PPFIA4: variants seen among roughly 807,000 people sequenced by gnomAD.
PPFIA4 encodes liprin-alpha-4.
PPFIA4 carries 98 observed loss-of-function variants against 145.7 expected under a neutral mutation model. The observed-to-expected ratio is 0.67, with a 90% CI of 0.57 to 0.80. PPFIA4 has a LOEUF of 0.80. Ranked by LOEUF, PPFIA4 falls within the 30% of genes least tolerant of loss-of-function variation. The pLI, the probability that PPFIA4 is intolerant of heterozygous loss-of-function variation, is 0.00. For missense variants in PPFIA4, 1,457 were observed against 1,632.7 expected (o/e 0.89, Z 1.85); for synonymous variants, 628 against 649.6 (o/e 0.97, Z 0.51).
Position 203,077,790 on chromosome 1 carries a change from G to A in PPFIA4, c.*1400G>A, listed in dbSNP as rs1442407067. 6.6e-6 allele frequency: 1 copy of A among 152,264 alleles called. No homozygotes were observed. Among genetic ancestry groups the A allele is most frequent in the Non-Finnish European group, 1.5e-5 (1 of 68,056 alleles). The allele number at this position is 152,264 out of a possible 1,614,324, so 9.4% of individuals were successfully genotyped here. A position where few individuals can be genotyped will look rare whatever the true frequency, so the allele number is the denominator to read the frequency against. On this transcript the variant is annotated 3_prime_UTR_variant, in exon 30 of 30. Coordinates refer to ENST00000295706, the MANE Select transcript of PPFIA4 (RefSeq NM_001304331.2). ...ACCTACTCCCTCATCCTACCAAGGTGCCTGAAAATGTTCAAGACTTATGTT... is the reference window on the plus strand; with the variant it reads ...ACCTACTCCCTCATCCTACCAAGGTACCTGAAAATGTTCAAGACTTATGTT...
At chr1:203,067,995 C>T (rs1226532210) in intron 26 of PPFIA4, among the ~76,000 whole-genome samples, 5 of 152,162 alleles carry the variant, frequency 3.3e-5, no homozygotes, top group African/African-American at 1.2e-4. Context: ...TCCCTCAACC[C>T]CACATACCAG....
chr1:203,073,817 G>C (rs1662335378), intron 28 of PPFIA4, among the ~76,000 whole-genome samples: 1 of 152,096 alleles, frequency 6.6e-6, no homozygotes, highest in Admixed American at 6.5e-5. Flanking sequence ...GGGAAGGCGG[G>C]AGAGAGAAAA....
intron 28 of PPFIA4, among the ~76,000 whole-genome samples, chr1:203,073,886 T>C (rs1571747377): frequency 6.6e-6 from 1 of 152,016 alleles, no homozygotes; most frequent in East Asian, 1.9e-4. Context: ...ACAAGGGAAG[T>C]TCCTAACAAA....
chr1:203,065,113 A>G (rs1042348832), intron 25 of PPFIA4, among the ~76,000 whole-genome samples: 9 of 152,182 alleles, frequency 5.9e-5, no homozygotes, highest in Non-Finnish European at 1.0e-4. Context: ...CATTTTATGG[A>G]TGAGAACATT....
intron 5 of PPFIA4, 37 bp downstream of exon 5, chr1:203,044,490 GA>G (rs1659925368): frequency 1.3e-6 from 2 of 1,540,228 alleles, no homozygotes; most frequent in Admixed American, 2.0e-5. Flanking sequence ...GCAGCTCCTG[GA>G]AGTCCAGGCT....
At position 203,059,269 on chromosome 1, in the gene PPFIA4, GAAGT is replaced by G; in HGVS notation, c.2501+2_2501+5del. On this transcript the variant is annotated splice_donor_variant and coding_sequence_variant, in exon 20 of 30. Transcript: ENST00000295706. LOFTEE classifies it high-confidence loss of function. ...CAGAGAAGGACCGGCGGCTAAAGAA[GAAGT>G]AAGAGCCACAGGCCAGGGTCTGCCA... 1.3e-6 allele frequency: 2 copies of G among 1,516,158 alleles called. No homozygotes were observed. The highest frequency in any genetic ancestry group is 2.4e-5 in the East Asian group (1 of 41,446). The allele number at this position is 1,516,158 out of a possible 1,614,324, so 93.9% of individuals were successfully genotyped here.
chr1:203,032,883 A>G (rs568000631), intron 1 of PPFIA4, among the ~76,000 whole-genome samples: 8 of 152,124 alleles, frequency 5.3e-5, no homozygotes, highest in African/African-American at 1.9e-4. Context: ...AACCAAGAGG[A>G]TCATGGTTTA....
intron 25 of PPFIA4, 75 bp downstream of exon 25, chr1:203,064,078 C>G: frequency 1.3e-6 from 2 of 1,490,224 alleles, no homozygotes; most frequent in Non-Finnish European, 1.8e-6. Flanking sequence ...CCTCCAGGAA[C>G]AGAGGTGCCT....
rs779085236 is a variant in PPFIA4 at position 203,048,651 on chromosome 1, C to T, written c.1293C>T (p.Leu431=). The change falls in exon 11 of 30, where the codon CTC becomes CTT. Residue 431 remains leucine (L), a synonymous_variant. Transcript: ENST00000295706. The surrounding 1 kb of genome is among the most constrained non-coding windows in gnomAD (Gnocchi z 5.8). ...KRLSDTVDRL[L]SESNERLQLH... ...TGTCGGACACAGTGGACCGGCTGCT[C>T]AGCGAGTCCAACGAGCGTCTGCAGC... The T allele has an allele frequency of 9.3e-6, 15 of 1,606,732 alleles. No homozygotes were observed. The highest frequency in any genetic ancestry group is 1.1e-5 in the Non-Finnish European group (13 of 1,177,594).
In PPFIA4 at chr1:203,044,394, C is replaced by T. The variant is rs555935118; in HGVS notation, c.517C>T (p.Arg173Trp). The change falls in exon 5 of 30, where the codon CGG becomes TGG. Residue 173 changes from arginine to tryptophan, a missense_variant. Physicochemically the swap from Arg to Trp is moderately radical, Grantham distance 101 (BLOSUM62 -3). This residue lies in a region of PPFIA4 where 463 missense variants were observed against 459.8 expected (regional missense o/e 1.01). Coordinates refer to ENST00000295706, the MANE Select transcript of PPFIA4 (RefSeq NM_001304331.2). ...CCTCGAGCAGGTGCGAGAGCGGCTC[C>T]GGGCAGCGCTGGAGCGAGTCACCAC... is the stretch of plus-strand genomic sequence containing the variant. ...ALDEKVRERLRAALERVTTLE... is the reference protein window; with the variant it reads ...ALDEKVRERLWAALERVTTLE... The T allele has an allele frequency of 9.8e-5, 152 of 1,552,196 alleles. No homozygotes were observed. The highest frequency in any genetic ancestry group is 1.2e-4 in the Non-Finnish European group (143 of 1,147,934).
chr1:203,077,630 C>T lies in PPFIA4; in HGVS notation c.*1240C>T, dbSNP rs1352280407. On this transcript the variant is annotated 3_prime_UTR_variant, in exon 30 of 30. Coordinates refer to ENST00000295706, the MANE Select transcript of PPFIA4 (RefSeq NM_001304331.2). ...CTATTTTGGTGGGCAGGGACTGCCT[C>T]CTCCCGGAATTCCTAAGATCCGCCC... The T allele has an allele frequency of 6.6e-6, 1 of 152,160 alleles. No homozygotes were observed. The highest frequency in any genetic ancestry group is 2.4e-5 in the African/African-American group (1 of 41,436). The allele number at this position is 152,160 out of a possible 1,614,324, so 9.4% of individuals were successfully genotyped here. A position where few individuals can be genotyped will look rare whatever the true frequency, so the allele number is the denominator to read the frequency against.
chr1:203,054,056 A>G (rs1258743349), intron 15 of PPFIA4, 95 bp downstream of exon 15: 6 of 1,345,898 alleles, frequency 4.5e-6, no homozygotes, highest in Non-Finnish European at 6.2e-6. Flanking sequence ...CAACTCTTAT[A>G]GCTGCAACTT....
chr1:203,073,275 C>A (rs1054797168), intron 28 of PPFIA4, among the ~76,000 whole-genome samples: 1 of 152,164 alleles, frequency 6.6e-6, no homozygotes, highest in Non-Finnish European at 1.5e-5. Context: ...GAAGCAGATG[C>A]GAGTCTGATT....
chr1:203,067,764 G>A lies in PPFIA4; in HGVS notation c.3120G>A (p.Arg1040=), dbSNP rs1269823057. 1 of 1,613,788 alleles carries A rather than the reference G, an allele frequency of 6.2e-7. No individual in the cohort carries two copies. ...LNYDRKELEK[R]REESQHEIKD... ...ATGACCGGAAGGAGCTGGAGAAGAG[G>A]CGAGAGGAGAGCCAGCATGAGATCA... Residue 1040 remains arginine, a synonymous_variant, in exon 26 of 30, where the codon AGG becomes AGA. Coordinates refer to ENST00000295706, the MANE Select transcript of PPFIA4 (RefSeq NM_001304331.2).
At chr1:203,051,980 T>G in intron 14 of PPFIA4, 103 bp downstream of exon 14, 1 of 1,231,726 alleles carries the variant, frequency 8.1e-7, no homozygotes, top group Admixed American at 2.3e-5. Context: ...ATCCTTCCCC[T>G]TCCCTCCCGT....
intron 1 of PPFIA4, chr1:203,034,851 T>G (rs1659112980): frequency 2.8e-6 from 1 of 362,160 alleles, no homozygotes; most frequent in African/African-American, 2.1e-5. Flanking sequence ...TCTTCCTCCT[T>G]CTACCCCTCT....
intron 12 of PPFIA4, 39 bp from the exon 13 acceptor site, chr1:203,049,637 G>GGC: frequency 7.1e-7 from 1 of 1,406,380 alleles, no homozygotes; most frequent in Non-Finnish European, 9.4e-7. Context: ...CCCCTCCCTG[G>GGC]CCCCCACTCC....
intron 29 of PPFIA4, 52 bp from the exon 30 acceptor site, chr1:203,076,289 A>T: frequency 6.4e-7 from 1 of 1,558,774 alleles, no homozygotes; most frequent in Non-Finnish European, 8.8e-7. Flanking sequence ...TCTCTCGCAG[A>T]TGCCCTGCAA....
chr1:203,052,203 G>A (rs573048202), intron 14 of PPFIA4, among the ~76,000 whole-genome samples: 21 of 152,220 alleles, frequency 1.4e-4, no homozygotes, highest in African/African-American at 3.6e-4. Flanking sequence ...GGAGCTTCAC[G>A]GGTAAGATGG....
Sources: gnomAD v4.1 joint callset for allele counts (sites outside exome capture counted in the v4.1 genomes callset) on GRCh38, gnomAD v4.1.1 for gene constraint, gnomAD v4.1.1 regional missense constraint, Gnocchi (gnomAD v3.1) non-coding constraint, MANE v1.5 for transcripts, NCBI Gene and HGNC (gene_info 2026-07-23, HGNC 2026-07-21) for gene names.